The following RASAL3 variants were observed in gnomAD, a reference collection of about 807,000 sequenced individuals.
RASAL3 encodes the protein RAS protein activator like 3, also known as RAS protein activator like-3.
In RASAL3, 74 loss-of-function variants were observed where a neutral mutation model predicts 105.5. The ratio of observed to expected loss-of-function variants is 0.70; its 90% CI spans 0.58 to 0.85. The LOEUF (loss-of-function observed/expected upper bound fraction) is 0.85, where lower values mean the gene tolerates loss of function less well. Ranked by LOEUF, RASAL3 falls within the 40% of genes least tolerant of loss-of-function variation. The pLI is 0.00. For synonymous variants in RASAL3, 579 were observed against 591.6 expected, an observed-to-expected ratio of 0.98 and a Z score of 0.31; for missense variants, 1,352 against 1,392.0, an observed-to-expected ratio of 0.97 and a Z score of 0.46.
rs757288737 is a variant in RASAL3 at position 15,453,110 on chromosome 19, G to A, written c.2667C>T (p.Asn889=). The change falls in exon 15 of 18, where the codon AAC becomes AAT. Residue 889 remains asparagine, a synonymous_variant. Transcript: ENST00000343625. The surrounding 1 kb of genome is among the most constrained non-coding windows in gnomAD (Gnocchi z 4.2). The part of the protein sequence containing the change: ...NQALGTHRPV[N]KLAELQCEVA... ...GCGGACCTGGGCCTGACCTTACCTT[G>A]TTCACAGGTCGGTGCGTGCCCAGTG... The A allele has an allele frequency of 1.2e-6, 2 of 1,613,510 alleles. No individual in the cohort carries two copies.
At position 15,456,687 on chromosome 19, in the gene RASAL3, G is replaced by A. The variant is rs773400858; in HGVS notation, c.1432-41C>T. 38 of 1,595,422 alleles carry A rather than the reference G, an allele frequency of 2.4e-5. No homozygotes were observed. Among genetic ancestry groups the A allele is most frequent in the Non-Finnish European group, 3.1e-5 (36 of 1,173,568 alleles). ...GGTCAGGTTGCACCAGATGCAGACA[G>A]AGTCCAAGGGAATTCGGATCCTTGG... is the stretch of plus-strand genomic sequence containing the variant. On this transcript the variant is annotated intron_variant, in intron 9 of 17. Transcript: ENST00000343625. The surrounding 1 kb of genome is among the most constrained non-coding windows in gnomAD (Gnocchi z 4.4).
chr19:15,452,102 T>C lies in RASAL3; in HGVS notation c.2835A>G (p.Ser945=). The change falls in exon 17 of 18, where the codon TCA becomes TCG. Residue 945 remains serine, a synonymous_variant. Transcript: ENST00000343625. ...TTAGGTTGTGCTCTGAATCAAACTCTGAGCTCCTGTGGGGGTCGGGGGATT... is the reference window on the plus strand; with the variant it reads ...TTAGGTTGTGCTCTGAATCAAACTCCGAGCTCCTGTGGGGGTCGGGGGATT... The part of the protein sequence containing the change: ...DLDSRLRAGS[S]EFDSEHNLTS... The C allele has an allele frequency of 1.2e-6, 2 of 1,613,874 alleles. No individual in the cohort carries two copies. Among genetic ancestry groups the C allele is most frequent in the South Asian group, 1.1e-5 (1 of 91,086 alleles).
chr19:15,458,147 T>C (rs914303135), intron 8 of RASAL3, 181 bp downstream of exon 8: 5 of 654,052 alleles, frequency 7.6e-6, no homozygotes, highest in Non-Finnish European at 1.3e-5. Context: ...AAGGGGCGGG[T>C]CTGATATTCC....
Position 15,457,897 on chromosome 19 carries a change from G to A in RASAL3, c.889-63C>T. On this transcript the variant is annotated intron_variant, in intron 8 of 17. Transcript: ENST00000343625. This position sits in a 1 kb window ranked among gnomAD's most constrained non-coding sequence, Gnocchi z 8.6. Reference sequence around the variant, plus strand: ...TTGTTGGCACCCCAAAGAAGGCACCGCAAGTGAAGCGTGGAGCCTCAAACC... The same window carrying A: ...TTGTTGGCACCCCAAAGAAGGCACCACAAGTGAAGCGTGGAGCCTCAAACC... The A allele has an allele frequency of 6.6e-7, 1 of 1,518,220 alleles. No individual in the cohort carries two copies. Among genetic ancestry groups the A allele is most frequent in the Non-Finnish European group, 8.9e-7 (1 of 1,124,446 alleles). The allele number at this position is 1,518,220 out of a possible 1,614,324, so 94.0% of individuals were successfully genotyped here. A position where few individuals can be genotyped will look rare whatever the true frequency, so the allele number is the denominator to read the frequency against.
chr19:15,453,011 G>T lies in RASAL3; in HGVS notation c.2670+96C>A. 6.5e-7 allele frequency: 1 copy of T among 1,547,342 alleles called. No homozygotes were observed. Among genetic ancestry groups the T allele is most frequent in the Non-Finnish European group, 8.8e-7 (1 of 1,141,268 alleles). On this transcript the variant is annotated intron_variant, in intron 15 of 17. Coordinates refer to ENST00000343625, the MANE Select transcript of RASAL3 (RefSeq NM_022904.3). This position sits in a 1 kb window ranked among gnomAD's most constrained non-coding sequence, Gnocchi z 4.2. Reference sequence around the variant, plus strand: ...GGCCTGGGGTCACACAGCACAGCGAGCTGGGTACTTGAACCCAGACTTGCC... The same window carrying T: ...GGCCTGGGGTCACACAGCACAGCGATCTGGGTACTTGAACCCAGACTTGCC...
Position 15,454,654 on chromosome 19 carries a change from T to C in RASAL3, c.1958+3A>G, listed in dbSNP as rs1970261393. Reference sequence around the variant, plus strand: ...CCCCCACCCCTAGCTTCCCAGCACCTACGGGGCACGGTTGGCGAGGTTCTG... The same window carrying C: ...CCCCCACCCCTAGCTTCCCAGCACCCACGGGGCACGGTTGGCGAGGTTCTG... On this transcript the variant is annotated splice_donor_region_variant and intron_variant, in intron 12 of 17. Transcript: ENST00000343625. The C allele has an allele frequency of 6.2e-7, 1 of 1,609,968 alleles. No homozygotes were observed. The highest frequency in any genetic ancestry group is 2.2e-5 in the East Asian group (1 of 44,814).
At position 15,461,573 on chromosome 19, in the gene RASAL3, G is replaced by T; in HGVS notation, c.363C>A (p.Thr121=). The change falls in exon 3 of 18, where the codon ACC becomes ACA. Residue 121 remains threonine (T), a synonymous_variant. Coordinates refer to ENST00000343625, the MANE Select transcript of RASAL3 (RefSeq NM_022904.3). ...GTGTGGGGGCCTCAGGGATCTGTGG[G>T]GTAGGGGGCTCCAGCTCTGGCTCCG... The part of the protein sequence containing the change: ...LEPEPELEPP[T]PQIPEAPTPN... 6 of 1,531,662 alleles carry T rather than the reference G, an allele frequency of 3.9e-6. No individual in the cohort carries two copies. Among genetic ancestry groups the T allele is most frequent in the East Asian group, 2.4e-5 (1 of 42,382 alleles). 94.9% of individuals were successfully genotyped at this position (1,531,662 alleles called of 1,614,324 possible).
In RASAL3 at chr19:15,458,332, G is replaced by A. The variant is rs1359608042; in HGVS notation, c.884C>T (p.Thr295Ile). 1.2e-6 allele frequency: 2 copies of A among 1,613,438 alleles called. No homozygotes were observed. The highest frequency in any genetic ancestry group is 1.7e-4 in the Middle Eastern group (1 of 6,060). ...IEDLRRQFQP[T>I]QDNVEREETW... The stretch of plus-strand genomic sequence containing the variant: ...CGCTTTTCTGAGGGCAATGACCTGG[G>A]TGGGCTGGAATTGGCGACGAAGGTC... The change falls in exon 8 of 18, where the codon ACC becomes ATC. Residue 295 changes from threonine to isoleucine, a missense_variant. Thr to Ile is a moderately conservative substitution (Grantham distance 89). Around this residue, in one of 3 missense-constraint regions of RASAL3, gnomAD observed 88 missense variants for 132.7 expected, o/e 0.66. Coordinates refer to ENST00000343625, the MANE Select transcript of RASAL3 (RefSeq NM_022904.3).
chr19:15,455,588 G>A (rs1380400444), intron 11 of RASAL3, among the ~76,000 whole-genome samples: 1 of 152,194 alleles, frequency 6.6e-6, no homozygotes, highest in Non-Finnish European at 1.5e-5. Context: ...ATGGTGATAG[G>A]GTTGCCAGAT....
Position 15,453,307 on chromosome 19 carries a change from G to A in RASAL3, c.2470C>T (p.Arg824Cys). The A allele has an allele frequency of 2.0e-6, 3 of 1,489,084 alleles. No individual in the cohort carries two copies. Among genetic ancestry groups the A allele is most frequent in the Non-Finnish European group, 1.8e-6 (2 of 1,124,096 alleles). 92.2% of individuals were successfully genotyped at this position (1,489,084 alleles called of 1,614,324 possible). Reference protein sequence around the residue: ...VQRTQSVPVRRPARRRQSAGP... With the variant: ...VQRTQSVPVRCPARRRQSAGP... ...GCAGATTGGCGGCGGCGGGCAGGACGCCGGACCGGGACACTCTGCGTGCGC... is the reference window on the plus strand; with the variant it reads ...GCAGATTGGCGGCGGCGGGCAGGACACCGGACCGGGACACTCTGCGTGCGC... Residue 824 changes from arginine to cysteine, a missense_variant, in exon 15 of 18, where the codon CGT (arginine) becomes TGT (cysteine). Transcript: ENST00000343625. The surrounding 1 kb of genome is among the most constrained non-coding windows in gnomAD (Gnocchi z 4.2).
rs778843503 is a variant in RASAL3, at chr19:15,453,245, C to T, written c.2532G>A (p.Met844Ile). The T allele has an allele frequency of 6.3e-7, 1 of 1,589,392 alleles. No homozygotes were observed. The highest frequency in any genetic ancestry group is 8.5e-7 in the Non-Finnish European group (1 of 1,169,758). The change falls in exon 15 of 18, where the codon ATG (methionine) becomes ATA (isoleucine). Residue 844 changes from methionine to isoleucine, a missense_variant. This residue lies in a region of RASAL3 where 920 missense variants were observed against 919.6 expected (regional missense o/e 1.00). Coordinates refer to ENST00000343625, the MANE Select transcript of RASAL3 (RefSeq NM_022904.3). The surrounding 1 kb of genome is among the most constrained non-coding windows in gnomAD (Gnocchi z 4.2). ...PWPRPKGSLS[M>I]GPAPRARPWT... ...AAGGCCGGGCGCGGGGCGCTGGTCC[C>T]ATGCTCAGGGAGCCTTTGGGTCGCG... is the stretch of plus-strand genomic sequence containing the variant.
Position 15,457,761 on chromosome 19 carries a change from G to C in RASAL3, c.962C>G (p.Ala321Gly). 6.5e-7 allele frequency: 1 copy of C among 1,545,602 alleles called. No individual in the cohort carries two copies. The highest frequency in any genetic ancestry group is 8.7e-7 in the Non-Finnish European group (1 of 1,145,626). The change falls in exon 9 of 18, where the codon GCG becomes GGG. Residue 321 changes from alanine (A) to glycine (G), a missense_variant. Physicochemically the swap from Ala to Gly is moderately conservative, Grantham distance 60. Coordinates refer to ENST00000343625, the MANE Select transcript of RASAL3 (RefSeq NM_022904.3). This position sits in a 1 kb window ranked among gnomAD's most constrained non-coding sequence, Gnocchi z 8.6. ...CTCGGCGCGCACGCCGGGTGCCCCC[G>C]CCGCTGCTCGGGGAAGCCCCTTCGC... ...HEAKGLPRAA[A>G]GAPGVRAELW...
rs113274252 is a variant in RASAL3 at position 15,458,938 on chromosome 19, C to CTATTTATT, written c.663-291_663-284dup. On this transcript the variant is annotated intron_variant, in intron 6 of 17. Coordinates refer to ENST00000343625, the MANE Select transcript of RASAL3 (RefSeq NM_022904.3). ...CTCCCTGGCCTTGTTTTATTTTATC[C>CTATTTATT]TATTTATTTATTTATTTATTTATTT... 2.5e-3 allele frequency among the ~76,000 whole-genome samples: 375 copies of CTATTTATT among 150,878 alleles called. 2 individuals are homozygous for CTATTTATT. The highest frequency in any genetic ancestry group is 8.4e-3 in the African/African-American group (343 of 41,000).
intron 2 of RASAL3, among the ~76,000 whole-genome samples, chr19:15,462,857 AG>A (rs1355422950): frequency 3.3e-5 from 5 of 151,752 alleles, no homozygotes; most frequent in Middle Eastern, 3.4e-3. Flanking sequence ...AGGCTGAGGC[AG>A]GAGAATGGCG....
Position 15,451,796 on chromosome 19 carries a change from C to A in RASAL3, c.3035G>T (p.Ter1012LeuextTer23), listed in dbSNP as rs1970154804. The change falls in exon 18 of 18, where the codon TGA (stop) becomes TTA (leucine). Residue 1012 changes from the stop codon to leucine (L), a stop_lost. Coordinates refer to ENST00000343625, the MANE Select transcript of RASAL3 (RefSeq NM_022904.3). ...GTGTGATGAGGCAGGATGGGCAGCT[C>A]AGGTGGTGTCTCCATTGAGGCAGGG... ...KAPCLNGDTT[*>L] is the part of the protein sequence containing the mutation. 6.3e-7 allele frequency: 1 copy of A among 1,592,594 alleles called. No homozygotes were observed. Among genetic ancestry groups the A allele is most frequent in the Admixed American group, 1.7e-5 (1 of 59,452 alleles).
rs1970322695 is a variant in RASAL3 at position 15,456,484 on chromosome 19, G to A, written c.1576+18C>T. ...AGCTCACCAGCAGGCCGCTGACATG[G>A]ACTCTCCCCCAGCTCACCCAGGGTC... On this transcript the variant is annotated intron_variant, in intron 10 of 17. Coordinates refer to ENST00000343625, the MANE Select transcript of RASAL3 (RefSeq NM_022904.3). The surrounding 1 kb of genome is among the most constrained non-coding windows in gnomAD (Gnocchi z 4.4). 1.2e-6 allele frequency: 2 copies of A among 1,612,976 alleles called. No homozygotes were observed. Among genetic ancestry groups the A allele is most frequent in the Non-Finnish European group, 1.7e-6 (2 of 1,179,436 alleles).
In RASAL3 at chr19:15,461,539, G is replaced by T; in HGVS notation, c.397C>A (p.Pro133Thr). 6.5e-7 allele frequency: 1 copy of T among 1,535,834 alleles called. No homozygotes were observed. The highest frequency in any genetic ancestry group is 8.7e-7 in the Non-Finnish European group (1 of 1,144,002). Reference protein sequence around the residue: ...QIPEAPTPNVPVWDIGGFTLL... With the variant: ...QIPEAPTPNVTVWDIGGFTLL... ...GTGAAGCCCCCAATGTCCCAGACAG[G>T]CACGTTGGGTGTGGGGGCCTCAGGG... The change falls in exon 3 of 18, where the codon CCT becomes ACT. Residue 133 changes from proline (P) to threonine (T), a missense_variant. By Grantham distance (38) the Pro-to-Thr change is conservative. Transcript: ENST00000343625.
chr19:15,456,551 G>C lies in RASAL3; in HGVS notation c.1527C>G (p.Ile509Met). 1 of 1,613,758 alleles carries C rather than the reference G, an allele frequency of 6.2e-7. No homozygotes were observed. Among genetic ancestry groups the C allele is most frequent in the Non-Finnish European group, 8.5e-7 (1 of 1,179,782 alleles). ...FRENTLATKA[I>M]DEYMKLVAQD... Reference sequence around the variant, plus strand: ...GTGCCACGAGCTTCATGTACTCATCGATAGCCTTGGTGGCCAATGTGTTTT... The same window carrying C: ...GTGCCACGAGCTTCATGTACTCATCCATAGCCTTGGTGGCCAATGTGTTTT... The change falls in exon 10 of 18, where the codon ATC becomes ATG. Residue 509 changes from isoleucine to methionine, a missense_variant. Physicochemically the swap from Ile to Met is conservative, Grantham distance 10. Around this residue, in one of 3 missense-constraint regions of RASAL3, gnomAD observed 920 missense variants for 919.6 expected, o/e 1.00. Coordinates refer to ENST00000343625, the MANE Select transcript of RASAL3 (RefSeq NM_022904.3). The surrounding 1 kb of genome is among the most constrained non-coding windows in gnomAD (Gnocchi z 4.4).
rs1438776074 is a variant in RASAL3, at chr19:15,453,128, G to C, written c.2649C>G (p.Gly883=). The change falls in exon 15 of 18, where the codon GGC becomes GGG. Residue 883 remains glycine, a synonymous_variant. Coordinates refer to ENST00000343625, the MANE Select transcript of RASAL3 (RefSeq NM_022904.3). This position sits in a 1 kb window ranked among gnomAD's most constrained non-coding sequence, Gnocchi z 4.2. ...TTACCTTGTTCACAGGTCGGTGCGT[G>C]CCCAGTGCCTGGTTTCGGTCTTGCG... ...DQPQDRNQAL[G]THRPVNKLAE... 5 of 1,613,586 alleles carry C rather than the reference G, an allele frequency of 3.1e-6. No individual in the cohort carries two copies. The African/African-American group carries it at 6.7e-5, about 22-fold the overall frequency.
Sources: allele counts gnomAD v4.1 joint callset (sites outside exome capture counted in the v4.1 genomes callset), GRCh38; gene constraint gnomAD v4.1.1; regional missense constraint gnomAD v4.1.1; non-coding constraint Gnocchi (gnomAD v3.1); transcripts MANE v1.5; gene names NCBI Gene and HGNC (gene_info 2026-07-23, HGNC 2026-07-21).